Variants in PCDHA6 observed in about 807,000 individuals in gnomAD.
The protein encoded by PCDHA6 is protocadherin alpha-6.
PCDHA6 carries 55 observed loss-of-function variants against 60.3 expected under a neutral mutation model. The ratio of observed to expected loss-of-function variants is 0.91; its 90% CI spans 0.73 to 1.14. The LOEUF (loss-of-function observed/expected upper bound fraction) is 1.14. Ranked by LOEUF, PCDHA6 falls within the 50% of genes most tolerant of loss-of-function variation. The pLI, the probability that PCDHA6 is intolerant of heterozygous loss-of-function variation, is 0.00. For synonymous variants in PCDHA6, 652 were observed against 557.9 expected, an observed-to-expected ratio of 1.17 and a Z score of -2.38; for missense variants, 1,327 against 1,256.5, an observed-to-expected ratio of 1.06 and a Z score of -0.85.
chr5:140,853,297 G>T, intron 1 of PCDHA6: 1 of 981,768 alleles, frequency 1.0e-6, no homozygotes, highest in Non-Finnish European at 1.2e-6. Context: ...TCTCAGAAGG[G>T]CTGTGAACAC....
chr5:140,829,433 A>G lies in PCDHA6; in HGVS notation c.1342A>G (p.Met448Val), dbSNP rs2150167809. ...TASLSVEVAD[M>V]NDNAPAFAQP... ...CAGCTTGTCTGTGGAGGTGGCCGAC[A>G]TGAATGACAATGCTCCGGCGTTCGC... The change falls in exon 1 of 4, where the codon ATG becomes GTG. Residue 448 changes from methionine (M) to valine (V), a missense_variant. By Grantham distance (21) the Met-to-Val change is conservative (BLOSUM62 1). Transcript: ENST00000529310. The G allele has an allele frequency of 1.2e-4, 193 of 1,613,948 alleles. No homozygotes were observed. Among genetic ancestry groups the G allele is most frequent in the African/African-American group, 7.6e-4 (57 of 75,048 alleles).
chr5:140,829,140 T>A lies in PCDHA6; in HGVS notation c.1049T>A (p.Ile350Lys), dbSNP rs2150162914. The A allele has an allele frequency of 6.2e-7, 1 of 1,613,462 alleles. No homozygotes were observed. Among genetic ancestry groups the A allele is most frequent in the Non-Finnish European group, 8.5e-7 (1 of 1,179,356 alleles). Residue 350 changes from isoleucine (I) to lysine (K), a missense_variant, in exon 1 of 4, where the codon ATA (isoleucine) becomes AAA (lysine). Physicochemically the swap from Ile to Lys is moderately radical, Grantham distance 102 (BLOSUM62 -3). Coordinates refer to ENST00000529310, the MANE Select transcript of PCDHA6 (RefSeq NM_018909.4). ...ILDKNDNVPE[I>K]ALTSLSLPVR... ...GATAAAAATGATAACGTCCCTGAGA[T>A]AGCACTGACTTCCTTATCCTTGCCT...
intron 1 of PCDHA6, chr5:140,835,552 C>A (rs550090383): frequency 6.2e-7 from 1 of 1,613,824 alleles, no homozygotes; most frequent in Non-Finnish European, 8.5e-7. Flanking sequence ...TGCTCCCTGA[C>A]GCCCCGCGTT....
At chr5:140,863,310 G>A (rs2047937786) in intron 1 of PCDHA6, 2 of 1,463,012 alleles carry the variant, frequency 1.4e-6, no homozygotes, top group Non-Finnish European at 1.9e-6. Context: ...CCATCTGCGT[G>A]GTGTCCAGCC....
chr5:140,899,259 G>C (rs2067235630), intron 1 of PCDHA6, among the ~76,000 whole-genome samples: 1 of 152,126 alleles, frequency 6.6e-6, no homozygotes, highest in African/African-American at 2.4e-5. Context: ...GGGCATCCCT[G>C]TCTTGTGGCA....
intron 1 of PCDHA6, chr5:140,866,843 TAAC>T (rs1212569386): frequency 2.6e-5 from 4 of 152,142 alleles, no homozygotes; most frequent in African/African-American, 9.7e-5. Flanking sequence ...CAAAATCAGT[TAAC>T]AATAACTGTA....
chr5:141,011,299 CTGAA>C lies in PCDHA6; in HGVS notation c.*1364_*1367del, dbSNP rs1554263406. ...TTTAGTTTTCCTTTTCTATAACACT[CTGAA>C]TTGCTAATCTTACTAACACCTATGA... is the stretch of plus-strand genomic sequence containing the variant. On this transcript the variant is annotated 3_prime_UTR_variant, in exon 4 of 4. Coordinates refer to ENST00000529310, the MANE Select transcript of PCDHA6 (RefSeq NM_018909.4). 1 of 153,768 alleles carries C rather than the reference CTGAA, an allele frequency of 6.5e-6. No homozygotes were observed. Among genetic ancestry groups the C allele is most frequent in the East Asian group, 1.9e-4 (1 of 5,198 alleles). The allele number at this position is 153,768 out of a possible 1,614,324, so 9.5% of individuals were successfully genotyped here.
chr5:140,933,772 C>T, intron 1 of PCDHA6, among the ~76,000 whole-genome samples: 1 of 152,176 alleles, frequency 6.6e-6, no homozygotes, highest in African/African-American at 2.4e-5. Flanking sequence ...TCTGTACCTA[C>T]AGTTTTCTTT....
chr5:140,863,012 G>A, intron 1 of PCDHA6: 1 of 552,296 alleles, frequency 1.8e-6, no homozygotes, highest in South Asian at 1.4e-5. Context: ...CAGCTATGAC[G>A]CCTGGTTGTC....
intron 2 of PCDHA6, among the ~76,000 whole-genome samples, chr5:140,980,943 T>C (rs573281233): frequency 1.6e-4 from 25 of 152,172 alleles, no homozygotes; most frequent in Non-Finnish European, 3.1e-4. Context: ...CTGAGCTGGC[T>C]CCAGGATAGT....
chr5:140,869,933 T>A, intron 1 of PCDHA6: 1 of 1,611,316 alleles, frequency 6.2e-7, no homozygotes, highest in Non-Finnish European at 8.5e-7. Context: ...AATGGAGAGG[T>A]AACATACTCC....
At chr5:140,853,121 C>T in intron 1 of PCDHA6, 1 of 518,370 alleles carries the variant, frequency 1.9e-6, no homozygotes, top group Middle Eastern at 9.7e-4. Flanking sequence ...CCTCATGATC[C>T]TCCCGCCTCA....
rs368334312 is a variant in PCDHA6 at position 140,876,999 on chromosome 5, G to A, written c.2394+46514G>A. The A allele has an allele frequency of 1.6e-5, 26 of 1,612,428 alleles. No homozygotes were observed. In the African/African-American group the frequency reaches 3.1e-4, roughly 19 times the overall value. ...AGCACGCACTGTCGAGCTACGTGTC[G>A]GTGCACGCGGAGAGCGGCAAGGTGT... On this transcript the variant is annotated intron_variant, in intron 1 of 3. Coordinates refer to ENST00000529310, the MANE Select transcript of PCDHA6 (RefSeq NM_018909.4).
chr5:140,941,245 TTCTTTCTTTC>T (rs1379125224), intron 1 of PCDHA6, among the ~76,000 whole-genome samples: 44 of 140,720 alleles, frequency 3.1e-4, no homozygotes, highest in Middle Eastern at 3.3e-3. Context: ...CTTTCTTTCT[TTCTTTCTTTC>T]TCTTTCTTTC....
At chr5:140,906,099 T>G (rs1377633678) in intron 1 of PCDHA6, among the ~76,000 whole-genome samples, 1 of 152,118 alleles carries the variant, frequency 6.6e-6, no homozygotes, top group African/African-American at 2.4e-5. Flanking sequence ...AGTAAGTGTG[T>G]CTTTCCCAGT....
At chr5:140,863,178 C>A (rs1420894530) in intron 1 of PCDHA6, 10 of 736,748 alleles carry the variant, frequency 1.4e-5, no homozygotes, top group Admixed American at 1.3e-4. Context: ...TGACTGCCAC[C>A]GTCACCGTGG....
chr5:140,886,697 G>A (rs1230801248), intron 1 of PCDHA6, among the ~76,000 whole-genome samples: 4 of 151,750 alleles, frequency 2.6e-5, no homozygotes. Context: ...ATGGTGGCAC[G>A]CGCCTGTAAT....
chr5:140,831,150 G>C (rs2150192087), intron 1 of PCDHA6: 1 of 152,114 alleles, frequency 6.6e-6, no homozygotes, highest in African/African-American at 2.4e-5. Context: ...ATTTACTACC[G>C]ATCTAAATAA....
chr5:140,945,800 C>T (rs1411676680), intron 1 of PCDHA6, among the ~76,000 whole-genome samples: 1 of 152,026 alleles, frequency 6.6e-6, no homozygotes, highest in African/African-American at 2.4e-5. Flanking sequence ...TGAAACTAGA[C>T]CCTTATCTCA....
Sources: allele counts gnomAD v4.1 joint callset (sites outside exome capture counted in the v4.1 genomes callset), GRCh38; gene constraint gnomAD v4.1.1; transcripts MANE v1.5; gene names NCBI Gene and HGNC (gene_info 2026-07-23, HGNC 2026-07-21).